The following DYNC1LI1 variants were observed in gnomAD, a reference collection of about 807,000 sequenced individuals.
DYNC1LI1 encodes dynein cytoplasmic 1 light intermediate chain 1.
DYNC1LI1 carries 19 observed loss-of-function variants against 63.8 expected under a neutral mutation model. The ratio of observed to expected loss-of-function variants is 0.30; its 90% confidence interval spans 0.21 to 0.44. The LOEUF is 0.44. Ranked by LOEUF, DYNC1LI1 falls within the 20% of genes least tolerant of loss-of-function variation. DYNC1LI1 has a pLI of 1.00. For synonymous variants in DYNC1LI1, 225 were observed against 232.3 expected (o/e 0.97, Z 0.28); for missense variants, 565 against 630.2 (o/e 0.90, Z 1.11).
rs771672471 is a variant in DYNC1LI1, at chr3:32,530,464, T to C, written c.1137A>G (p.Leu379=). The change falls in exon 9 of 13, where the codon CTA becomes CTG. Residue 379 remains leucine (L), a synonymous_variant. Transcript: ENST00000273130. ...TGCTTCTGATATAATTTCATACCTG[T>C]AGCTTCATAAGAAACACCTGATCAT... is the stretch of plus-strand genomic sequence containing the variant. ...AEDDQVFLMK[L]QSLLAKQPPT... 6 of 1,613,364 alleles carry C rather than the reference T, an allele frequency of 3.7e-6. No individual in the cohort carries two copies. The highest frequency in any genetic ancestry group is 3.3e-5 in the Admixed American group (2 of 60,012).
At chr3:32,538,714 AT>A (rs1048733409) in intron 5 of DYNC1LI1, among the ~76,000 whole-genome samples, 7 of 151,252 alleles carry the variant, frequency 4.6e-5, no homozygotes, top group East Asian at 1.9e-4. Context: ...AAAAAAAAAA[AT>A]TTTTTTTAAC....
intron 4 of DYNC1LI1, among the ~76,000 whole-genome samples, chr3:32,543,477 G>A (rs1034152565): frequency 3.1e-4 from 44 of 143,998 alleles, no homozygotes; most frequent in African/African-American, 1.1e-3. Context: ...TCAGCTCACT[G>A]CAATCTCCGC....
At chr3:32,567,655 T>C (rs1023814168) in intron 2 of DYNC1LI1, among the ~76,000 whole-genome samples, 25 of 151,070 alleles carry the variant, frequency 1.7e-4, no homozygotes, top group Non-Finnish European at 3.4e-4. Context: ...CCCTCCACCT[T>C]AGCCTCCTGA....
At chr3:32,553,992 C>T (rs931282668) in intron 2 of DYNC1LI1, among the ~76,000 whole-genome samples, 3 of 152,174 alleles carry the variant, frequency 2.0e-5, no homozygotes, top group African/African-American at 7.2e-5. Flanking sequence ...TGAGGCCAGC[C>T]TGGGCAACAC....
intron 2 of DYNC1LI1, chr3:32,566,463 C>T (rs1698260760): frequency 5.9e-6 from 1 of 169,536 alleles, no homozygotes; most frequent in African/African-American, 2.4e-5. Flanking sequence ...TATTAAAATA[C>T]AAATATGCCC....
intron 7 of DYNC1LI1, among the ~76,000 whole-genome samples, chr3:32,533,322 A>T (rs1292490296): frequency 6.6e-6 from 1 of 152,192 alleles, no homozygotes; most frequent in Non-Finnish European, 1.5e-5. Flanking sequence ...AAAGAAAAAA[A>T]ATTAGCTGGG....
chr3:32,531,026 T>C (rs550587345), intron 8 of DYNC1LI1: 2 of 153,594 alleles, frequency 1.3e-5, no homozygotes, highest in African/African-American at 4.8e-5. Flanking sequence ...GGCTCTTCTA[T>C]GAGCTGAATA....
intron 12 of DYNC1LI1, among the ~76,000 whole-genome samples, chr3:32,528,144 AGAAAT>A (rs1697647476): frequency 7.4e-6 from 1 of 134,404 alleles, no homozygotes; most frequent in African/African-American, 2.8e-5. Flanking sequence ...AAAAAAAAAA[AGAAAT>A]GAAATATTGA....
intron 2 of DYNC1LI1, among the ~76,000 whole-genome samples, chr3:32,557,946 T>C (rs1434574362): frequency 6.6e-6 from 1 of 152,236 alleles, no homozygotes; most frequent in Non-Finnish European, 1.5e-5. Context: ...GATGCTAAAA[T>C]TATTTTCTGA....
At chr3:32,538,401 T>C (rs1697830446) in intron 5 of DYNC1LI1, among the ~76,000 whole-genome samples, 1 of 151,770 alleles carries the variant, frequency 6.6e-6, no homozygotes. Flanking sequence ...GGTTTAGTAT[T>C]AAATAAAAAT....
intron 5 of DYNC1LI1, among the ~76,000 whole-genome samples, chr3:32,538,278 T>C (rs1412371406): frequency 6.7e-6 from 1 of 149,774 alleles, no homozygotes; most frequent in East Asian, 2.0e-4. Flanking sequence ...AGTCTCATTA[T>C]ATAATTATGA....
In DYNC1LI1 at chr3:32,544,882, G is replaced by T. The variant is rs199851895; in HGVS notation, c.562C>A (p.Gln188Lys). The T allele has an allele frequency of 1.2e-6, 2 of 1,603,060 alleles. No individual in the cohort carries two copies. Among genetic ancestry groups the T allele is most frequent in the East Asian group, 4.5e-5 (2 of 44,792 alleles). Reference sequence around the variant, plus strand: ...CTGTTTCTAGATTACTTACACTTTTGTTCCATTTGTTTCATTTCTTCAGGA... The same window carrying T: ...CTGTTTCTAGATTACTTACACTTTTTTTCCATTTGTTTCATTTCTTCAGGA... Reference protein sequence around the residue: ...IPPEEMKQMEQKLIRDFQEYV... With the variant: ...IPPEEMKQMEKKLIRDFQEYV... Residue 188 changes from glutamine to lysine, a missense_variant, in exon 4 of 13, where the codon CAA (glutamine) becomes AAA (lysine). Gln to Lys is a moderately conservative substitution (Grantham distance 53, BLOSUM62 1). Transcript: ENST00000273130.
chr3:32,540,681 CAAAAAAAA>C (rs556985128), intron 5 of DYNC1LI1, among the ~76,000 whole-genome samples: 1 of 52,654 alleles, frequency 1.9e-5, no homozygotes, highest in African/African-American at 6.4e-5. Flanking sequence ...AACTCCGTCT[CAAAAAAAA>C]AAAAAAAAAA....
chr3:32,533,058 T>G lies in DYNC1LI1; in HGVS notation c.1008A>C (p.Leu336Phe). ...GWDNDKKIGI[L>F]HENFQTLKAE... is the part of the protein sequence containing the mutation. Reference sequence around the variant, plus strand: ...CTTTTAATGTTTGAAAATTTTCATGTAATATTCCTATTTTCTTATCATTAT... The same window carrying G: ...CTTTTAATGTTTGAAAATTTTCATGGAATATTCCTATTTTCTTATCATTAT... The change falls in exon 8 of 13, where the codon TTA (leucine) becomes TTC (phenylalanine). Residue 336 changes from leucine to phenylalanine, a missense_variant. Physicochemically the swap from Leu to Phe is conservative, Grantham distance 22 (BLOSUM62 0). Coordinates refer to ENST00000273130, the MANE Select transcript of DYNC1LI1 (RefSeq NM_016141.4). 4 of 1,604,514 alleles carry G rather than the reference T, an allele frequency of 2.5e-6. No individual in the cohort carries two copies. Among genetic ancestry groups the G allele is most frequent in the Non-Finnish European group, 3.4e-6 (4 of 1,178,014 alleles).
chr3:32,537,916 T>TTATATATATAATATATATATAATA (rs1697800234), intron 5 of DYNC1LI1, among the ~76,000 whole-genome samples: 2 of 35,834 alleles, frequency 5.6e-5, no homozygotes, highest in Non-Finnish European at 9.9e-5. Flanking sequence ...TATATATAAT[T>TTATATATATAATATATATATAATA]TATATATATA....
intron 4 of DYNC1LI1, among the ~76,000 whole-genome samples, chr3:32,544,416 TTA>T (rs1325704309): frequency 6.6e-6 from 1 of 152,210 alleles, no homozygotes; most frequent in African/African-American, 2.4e-5. Flanking sequence ...CCATTGTGTC[TTA>T]TGTTTCTAAT....
chr3:32,545,105 A>G lies in DYNC1LI1; in HGVS notation c.339T>C (p.Asp113=), dbSNP rs2125437903. ...AGATCCAAACATTACATCTTGTTTG[A>G]TCTACAACAGACAAAACAAAGTAAC... is the stretch of plus-strand genomic sequence containing the variant. The part of the protein sequence containing the change: ...YLNVHDEDRD[D]QTRCNVWILD... The change falls in exon 4 of 13, where the codon GAT becomes GAC. Residue 113 remains aspartate, a splice_region_variant and synonymous_variant. Coordinates refer to ENST00000273130, the MANE Select transcript of DYNC1LI1 (RefSeq NM_016141.4). 6.3e-7 allele frequency: 1 copy of G among 1,599,216 alleles called. No individual in the cohort carries two copies. The highest frequency in any genetic ancestry group is 2.2e-5 in the East Asian group (1 of 44,788).
At chr3:32,532,965 A>G (rs779631340) in intron 8 of DYNC1LI1, 21 bp downstream of exon 8, 2 of 1,557,892 alleles carry the variant, frequency 1.3e-6, no homozygotes, top group Non-Finnish European at 1.7e-6. Context: ...AAATATTGAG[A>G]TTATTTACTA....
intron 2 of DYNC1LI1, among the ~76,000 whole-genome samples, chr3:32,560,106 GTGCC>G (rs1698169291): frequency 6.6e-6 from 1 of 152,156 alleles, no homozygotes; most frequent in South Asian, 2.1e-4. Flanking sequence ...ATGTCAAGGG[GTGCC>G]TGTAGAGCGA....
Sources: allele counts gnomAD v4.1 joint callset (sites outside exome capture counted in the v4.1 genomes callset), GRCh38; gene constraint gnomAD v4.1.1; transcripts MANE v1.5; gene names NCBI Gene and HGNC (gene_info 2026-07-23, HGNC 2026-07-21).